SLC35F1: variants seen among roughly 807,000 people sequenced by gnomAD.
SLC35F1 encodes the protein chromosome 6 open reading frame 169.
In SLC35F1, 14 loss-of-function variants were observed where a neutral mutation model predicts 48.7. The ratio of observed to expected loss-of-function variants is 0.29; its 90% confidence interval spans 0.19 to 0.45. The LOEUF (loss-of-function observed/expected upper bound fraction) is 0.45, where lower values mean the gene tolerates loss of function less well. SLC35F1 is among the 20% of genes least tolerant of loss of function. SLC35F1 has a pLI of 1.00. For missense variants in SLC35F1, 404 were observed against 500.0 expected, an observed-to-expected ratio of 0.81 and a Z score of 1.83; for synonymous variants, 190 against 202.2, an observed-to-expected ratio of 0.94 and a Z score of 0.51.
rs115544148 is a variant in SLC35F1, at chr6:118,281,026, C to T, written c.847+3480C>T. Reference sequence around the variant, plus strand: ...CATATGTTCTGAGAAGTCATCTAACCTAGCTATTGTTTTTAAGAATTACAA... The same window carrying T: ...CATATGTTCTGAGAAGTCATCTAACTTAGCTATTGTTTTTAAGAATTACAA... On this transcript the variant is annotated intron_variant, in intron 6 of 7. Transcript: ENST00000360388. 5.0e-3 allele frequency among the ~76,000 whole-genome samples: 767 copies of T among 151,922 alleles called. 8 individuals are homozygous for T. Among genetic ancestry groups the T allele is most frequent in the African/African-American group, 0.018 (734 of 41,442 alleles).
intron 1 of SLC35F1, among the ~76,000 whole-genome samples, chr6:118,106,803 T>C (rs2114375075): frequency 6.6e-6 from 1 of 152,338 alleles, no homozygotes; most frequent in Non-Finnish European, 1.5e-5. Flanking sequence ...GCTTTCACAA[T>C]CACTGGCTCT....
At chr6:118,019,069 G>A (rs917225719) in intron 1 of SLC35F1, among the ~76,000 whole-genome samples, 48 of 152,106 alleles carry the variant, frequency 3.2e-4, no homozygotes, top group African/African-American at 1.2e-3. Flanking sequence ...TATCCTGAAA[G>A]ACAATGGTTT....
intron 1 of SLC35F1, among the ~76,000 whole-genome samples, chr6:118,116,555 G>A (rs58877473): frequency 0.16 from 24,269 of 152,078 alleles, 1,979 homozygotes; most frequent in South Asian, 0.32. Flanking sequence ...ATATCCTCTC[G>A]TTTCCTTTCT....
chr6:118,008,229 A>G (rs76201563), intron 1 of SLC35F1, among the ~76,000 whole-genome samples: 2,982 of 152,120 alleles, frequency 0.02, 103 homozygotes, highest in African/African-American at 0.067. Flanking sequence ...CAAAATATGT[A>G]CAACTGTTAT....
chr6:117,925,772 G>A (rs1776019499), intron 1 of SLC35F1, among the ~76,000 whole-genome samples: 2 of 152,056 alleles, frequency 1.3e-5, no homozygotes, highest in African/African-American at 2.4e-5. Flanking sequence ...TCTGCTGAGG[G>A]TAGAAAGAAT....
Position 118,115,701 on chromosome 6 carries a change from C to T in SLC35F1, c.174-38744C>T, listed in dbSNP as rs1328149392. 2.6e-5 allele frequency among the ~76,000 whole-genome samples: 4 copies of T among 152,166 alleles called. No individual in the cohort carries two copies. The East Asian group carries it at 7.7e-4, about 29-fold the overall frequency. On this transcript the variant is annotated intron_variant, in intron 1 of 7. Transcript: ENST00000360388. ...CTTCTTGCATTTTACCCAGGTGCCA[C>T]ATAACTCTGGTAGCTTAATATGAAA... is the stretch of plus-strand genomic sequence containing the variant.
intron 4 of SLC35F1, among the ~76,000 whole-genome samples, chr6:118,267,632 A>G (rs774924412): frequency 3.3e-5 from 5 of 152,240 alleles, no homozygotes; most frequent in Non-Finnish European, 7.3e-5. Context: ...AGGTTGGTTT[A>G]TAGGCCCACG....
At chr6:118,171,500 A>G (rs1482598600) in intron 2 of SLC35F1, among the ~76,000 whole-genome samples, 1 of 152,218 alleles carries the variant, frequency 6.6e-6, no homozygotes, top group Non-Finnish European at 1.5e-5. Context: ...ATTTCTAAAA[A>G]TAAATGCTGA....
At chr6:118,131,109 C>A (rs539244461) in intron 1 of SLC35F1, among the ~76,000 whole-genome samples, 1 of 152,198 alleles carries the variant, frequency 6.6e-6, no homozygotes, top group South Asian at 2.1e-4. Flanking sequence ...ATGCTTTCTC[C>A]AAACACACAC....
intron 7 of SLC35F1, among the ~76,000 whole-genome samples, chr6:118,309,169 ATG>A (rs57832608): frequency 0.038 from 5,672 of 148,050 alleles, 203 homozygotes; most frequent in Admixed American, 0.13. Context: ...GGGCCTGTAG[ATG>A]TGTGTGTGTG....
intron 6 of SLC35F1, among the ~76,000 whole-genome samples, chr6:118,284,866 C>T (rs903451239): frequency 1.3e-5 from 2 of 152,152 alleles, no homozygotes; most frequent in African/African-American, 4.8e-5. Context: ...AAGCTGATTA[C>T]AGCACAATTG....
At chr6:118,205,169 T>C (rs6936471) in intron 2 of SLC35F1, among the ~76,000 whole-genome samples, 7,283 of 152,246 alleles carry the variant, frequency 0.048, 580 homozygotes, top group African/African-American at 0.16. Context: ...CATAGGACAT[T>C]GCAAACCTGT....
At chr6:118,291,970 T>G (rs886202526) in intron 7 of SLC35F1, among the ~76,000 whole-genome samples, 2 of 152,022 alleles carry the variant, frequency 1.3e-5, no homozygotes, top group Admixed American at 6.5e-5. Flanking sequence ...ATACAAAAAT[T>G]AGCTGGGCAT....
chr6:118,020,224 C>T (rs893089674), intron 1 of SLC35F1, among the ~76,000 whole-genome samples: 1 of 152,094 alleles, frequency 6.6e-6, no homozygotes, highest in African/African-American at 2.4e-5. Context: ...TCAATGAAAA[C>T]AGACATGATA....
At chr6:118,302,443 T>C (rs1390701980) in intron 7 of SLC35F1, among the ~76,000 whole-genome samples, 1 of 152,198 alleles carries the variant, frequency 6.6e-6, no homozygotes, top group Non-Finnish European at 1.5e-5. Flanking sequence ...AAGAGACTGG[T>C]ATACACACAG....
intron 1 of SLC35F1, among the ~76,000 whole-genome samples, chr6:118,000,773 A>T (rs1777079915): frequency 6.6e-6 from 1 of 152,198 alleles, no homozygotes; most frequent in African/African-American, 2.4e-5. Flanking sequence ...AAATCAATGT[A>T]CAAAAATCAC....
intron 1 of SLC35F1, among the ~76,000 whole-genome samples, chr6:117,929,887 G>T (rs1237914963): frequency 1.3e-5 from 2 of 152,184 alleles, no homozygotes; most frequent in African/African-American, 4.8e-5. Context: ...AATGGTAATA[G>T]TGAGGTTACT....
At chr6:118,233,867 A>G (rs966790691) in intron 2 of SLC35F1, among the ~76,000 whole-genome samples, 4 of 152,220 alleles carry the variant, frequency 2.6e-5, no homozygotes, top group Non-Finnish European at 4.4e-5. Context: ...CTTGAAGGCT[A>G]TGAGAAGTGT....
At chr6:118,055,718 G>A (rs1772453699) in intron 1 of SLC35F1, among the ~76,000 whole-genome samples, 1 of 152,144 alleles carries the variant, frequency 6.6e-6, no homozygotes, top group Admixed American at 6.5e-5. Context: ...GCTGACTCCA[G>A]AACTGCCCCA....
Sources: allele counts gnomAD v4.1 joint callset (sites outside exome capture counted in the v4.1 genomes callset), GRCh38; gene constraint gnomAD v4.1.1; transcripts MANE v1.5; gene names NCBI Gene and HGNC (gene_info 2026-07-23, HGNC 2026-07-21).